Variants in SYN3 observed in about 807,000 individuals in gnomAD.
The protein encoded by SYN3 is synapsin III.
Under a neutral mutation model 65.8 loss-of-function variants are expected in SYN3, and 35 were observed. The observed-to-expected ratio is 0.53, with a 90% CI of 0.41 to 0.70. The LOEUF (loss-of-function observed/expected upper bound fraction) is 0.70. Ranked by LOEUF, SYN3 falls within the 30% of genes least tolerant of loss-of-function variation. The probability of loss-of-function intolerance (pLI) is 0.00; values close to 1 mark genes in which losing one functional copy is unlikely to be tolerated. For missense variants in SYN3, 680 were observed against 749.0 expected (o/e 0.91, Z 1.08); for synonymous variants, 270 against 292.9 (o/e 0.92, Z 0.80).
intron 6 of SYN3, among the ~76,000 whole-genome samples, chr22:32,628,994 C>A (rs2059709079): frequency 6.6e-6 from 1 of 152,202 alleles, no homozygotes; most frequent in Non-Finnish European, 1.5e-5. Context: ...GGTAGAATTG[C>A]TCCGCCTGAT....
At chr22:32,733,586 C>T (rs2061298945) in intron 6 of SYN3, among the ~76,000 whole-genome samples, 1 of 152,212 alleles carries the variant, frequency 6.6e-6, no homozygotes, top group Non-Finnish European at 1.5e-5. Flanking sequence ...CAGTCTTTGC[C>T]ATATCTGTGG....
At chr22:32,859,658 G>T in intron 6 of SYN3, 11 of 439,624 alleles carry the variant, frequency 2.5e-5, no homozygotes, top group East Asian at 4.2e-5. Context: ...CCTCTTCTTC[G>T]TGATAATATA....
chr22:32,575,230 A>G lies in SYN3; in HGVS notation c.774+21444T>C, dbSNP rs16990765. Among the ~76,000 whole-genome samples, 679 of 152,368 alleles carry G rather than the reference A, an allele frequency of 4.5e-3. 4 individuals carry two copies. The highest frequency in any genetic ancestry group is 0.016 in the African/African-American group (654 of 41,576). ...TGGACAAAGGGCTCAAAGTCAAAAGAGCAAAGCCAGGTCACTGTTGAGGAA... is the reference window on the plus strand; with the variant it reads ...TGGACAAAGGGCTCAAAGTCAAAAGGGCAAAGCCAGGTCACTGTTGAGGAA... On this transcript the variant is annotated intron_variant, in intron 7 of 13. Transcript: ENST00000358763.
intron 6 of SYN3, among the ~76,000 whole-genome samples, chr22:32,817,514 C>T (rs1363938939): frequency 6.6e-6 from 1 of 152,158 alleles, no homozygotes; most frequent in African/African-American, 2.4e-5. Flanking sequence ...GTATCATCTG[C>T]ATTACACAGG....
intron 6 of SYN3, among the ~76,000 whole-genome samples, chr22:32,696,750 T>C (rs149059495): frequency 3.5e-4 from 53 of 152,310 alleles, no homozygotes; most frequent in African/African-American, 8.9e-4. Flanking sequence ...CAACTTACTC[T>C]TCCTATCCCC....
intron 6 of SYN3, among the ~76,000 whole-genome samples, chr22:32,668,407 G>T (rs1375929662): frequency 7.2e-6 from 1 of 139,280 alleles, no homozygotes; most frequent in Non-Finnish European, 1.5e-5. Context: ...TCTTCCTGTG[G>T]ATGAGAAATT....
intron 9 of SYN3, among the ~76,000 whole-genome samples, chr22:32,535,973 C>T (rs541673363): frequency 2.6e-5 from 4 of 152,224 alleles, no homozygotes; most frequent in South Asian, 2.1e-4. Flanking sequence ...CCAGCCCAGA[C>T]CCTGGAGTTC....
intron 7 of SYN3, among the ~76,000 whole-genome samples, chr22:32,591,796 A>G (rs2059130986): frequency 6.6e-6 from 1 of 152,288 alleles, no homozygotes; most frequent in Non-Finnish European, 1.5e-5. Flanking sequence ...GAAATAAACA[A>G]TTCCTAGGTT....
At chr22:32,799,996 T>C (rs1201447218) in intron 6 of SYN3, among the ~76,000 whole-genome samples, 2 of 152,184 alleles carry the variant, frequency 1.3e-5, no homozygotes, top group African/African-American at 2.4e-5. Flanking sequence ...GGGAAGGTTT[T>C]TAAAGCTGGG....
chr22:32,757,545 C>A (rs2045332098), intron 6 of SYN3, among the ~76,000 whole-genome samples: 2 of 152,060 alleles, frequency 1.3e-5, no homozygotes, highest in Admixed American at 6.6e-5. Context: ...GATCCGCCAG[C>A]CTTGGCCTCC....
At chr22:32,593,531 C>T (rs2059156170) in intron 7 of SYN3, among the ~76,000 whole-genome samples, 1 of 152,002 alleles carries the variant, frequency 6.6e-6, no homozygotes, top group Non-Finnish European at 1.5e-5. Flanking sequence ...GGAGATGACT[C>T]CCAGGTTTCT....
intron 6 of SYN3, among the ~76,000 whole-genome samples, chr22:32,682,328 A>C (rs1335383244): frequency 6.6e-6 from 1 of 152,206 alleles, no homozygotes; most frequent in East Asian, 1.9e-4. Flanking sequence ...TTGAGAGCCA[A>C]GATCTTTTGA....
At chr22:32,644,073 CAAAAAAAAA>C (rs1175308291) in intron 6 of SYN3, among the ~76,000 whole-genome samples, 2 of 3,904 alleles carry the variant, frequency 5.1e-4, no homozygotes, top group Non-Finnish European at 1.4e-3. Context: ...GACTCTGCCT[CAAAAAAAAA>C]AAAAAAAAAA....
chr22:32,670,142 T>C (rs2060340978), intron 6 of SYN3, among the ~76,000 whole-genome samples: 1 of 152,222 alleles, frequency 6.6e-6, no homozygotes, highest in African/African-American at 2.4e-5. Flanking sequence ...TCATCACGGC[T>C]TCTTGGAAAG....
chr22:32,726,095 A>G (rs1037147471), intron 6 of SYN3, among the ~76,000 whole-genome samples: 1 of 152,126 alleles, frequency 6.6e-6, no homozygotes, highest in African/African-American at 2.4e-5. Context: ...CATATTTCCC[A>G]TGAAATATTC....
chr22:32,736,442 G>A (rs1031972951), intron 6 of SYN3, among the ~76,000 whole-genome samples: 1 of 152,194 alleles, frequency 6.6e-6, no homozygotes, highest in Non-Finnish European at 1.5e-5. Context: ...TTACTGCATA[G>A]TGTAGAGTAC....
At chr22:32,950,369 T>C (rs577544505) in intron 3 of SYN3, among the ~76,000 whole-genome samples, 2 of 152,280 alleles carry the variant, frequency 1.3e-5, no homozygotes, top group Admixed American at 1.3e-4. Flanking sequence ...GGCAGGGTCA[T>C]GGCCGGGGGT....
intron 10 of SYN3, among the ~76,000 whole-genome samples, chr22:32,531,976 C>T (rs1206146570): frequency 6.6e-6 from 1 of 151,762 alleles, no homozygotes; most frequent in Non-Finnish European, 1.5e-5. Context: ...GGCAGGAAGC[C>T]TGAGCCCATG....
At chr22:32,655,989 C>T (rs2060137159) in intron 6 of SYN3, among the ~76,000 whole-genome samples, 1 of 152,100 alleles carries the variant, frequency 6.6e-6, no homozygotes, top group South Asian at 2.1e-4. Context: ...TCTCCCTAAG[C>T]CCAGTTACCC....
Sources: gnomAD v4.1 joint callset for allele counts (sites outside exome capture counted in the v4.1 genomes callset) on GRCh38, gnomAD v4.1.1 for gene constraint, MANE v1.5 for transcripts, NCBI Gene and HGNC (gene_info 2026-07-23, HGNC 2026-07-21) for gene names.